The following ADAMTSL3 variants were observed in gnomAD, a reference collection of about 807,000 sequenced individuals.
The protein encoded by ADAMTSL3 is ADAMTS like 3, also known as ADAMTS-like protein 3.
A neutral mutation model predicts 201.7 loss-of-function variants in ADAMTSL3; 128 were observed. The observed-to-expected ratio is 0.63, with a 90% confidence interval of 0.55 to 0.73. The LOEUF (loss-of-function observed/expected upper bound fraction) is 0.73. Among genes scored for constraint, ADAMTSL3 ranks in the 30% least tolerant of loss-of-function variants. The pLI, the probability that ADAMTSL3 is intolerant of heterozygous loss-of-function variation, is 0.00. For missense variants in ADAMTSL3, 1,990 were observed against 2,119.6 expected (o/e 0.94, Z 1.20); for synonymous variants, 738 against 748.4 (o/e 0.99, Z 0.23).
chr15:83,764,579 A>G lies in ADAMTSL3; in HGVS notation c.190-8944A>G, dbSNP rs374635232. On this transcript the variant is annotated intron_variant, in intron 3 of 29. Transcript: ENST00000286744. ...GGGTTGCTGTGGGCTCTGATTCTCA[A>G]CCGAAGGCCTTAGTTCCTCTCAGGC... 4.0e-5 allele frequency among the ~76,000 whole-genome samples: 6 copies of G among 151,088 alleles called. No individual in the cohort carries two copies. The East Asian group carries it at 6.6e-4, about 17-fold the overall frequency.
At chr15:83,892,605 C>A in intron 12 of ADAMTSL3, 79 bp from the exon 13 acceptor site, 1 of 1,389,998 alleles carries the variant, frequency 7.2e-7, no homozygotes, top group African/African-American at 1.4e-5. Context: ...TACCTTAAGG[C>A]CATACTTTTT....
intron 19 of ADAMTSL3, among the ~76,000 whole-genome samples, chr15:83,954,226 T>C (rs529167508): frequency 5.3e-4 from 81 of 152,334 alleles, no homozygotes; most frequent in Non-Finnish European, 2.9e-4. Flanking sequence ...TTTTTTATTC[T>C]TTTTTCTTTT....
chr15:83,795,295 A>G (rs2063408030), intron 4 of ADAMTSL3, among the ~76,000 whole-genome samples: 1 of 152,076 alleles, frequency 6.6e-6, no homozygotes, highest in South Asian at 2.1e-4. Context: ...CAACAGAACT[A>G]AAGTTGAACC....
chr15:83,899,563 A>G, intron 14 of ADAMTSL3, 84 bp from the exon 15 acceptor site: 1 of 1,349,716 alleles, frequency 7.4e-7, no homozygotes. Flanking sequence ...TTATAAATGA[A>G]ATCTTCAGCC....
intron 7 of ADAMTSL3, among the ~76,000 whole-genome samples, chr15:83,846,835 A>G (rs1263661804): frequency 2.0e-5 from 3 of 152,208 alleles, no homozygotes; most frequent in Non-Finnish European, 4.4e-5. Flanking sequence ...AGGCAGTATT[A>G]TAAAGGGCAG....
chr15:83,708,730 C>T (rs2061889433), intron 3 of ADAMTSL3, among the ~76,000 whole-genome samples: 1 of 152,208 alleles, frequency 6.6e-6, no homozygotes, highest in Admixed American at 6.5e-5. Flanking sequence ...TCTGAAACTA[C>T]AAATAGAATA....
Position 83,982,648 on chromosome 15 carries a change from C to T in ADAMTSL3, c.3020C>T (p.Ala1007Val), listed in dbSNP as rs1426855712. The change falls in exon 21 of 30, where the codon GCC becomes GTC. Residue 1007 changes from alanine (A) to valine (V), a missense_variant. Coordinates refer to ENST00000286744, the MANE Select transcript of ADAMTSL3 (RefSeq NM_207517.3). ...GACAACCGGCTCATCGCACGCCCAG[C>T]CCTCAGGGAGCCTATGAGGGAATAT... ...GTDNRLIARP[A>V]LREPMREYPG... 2 of 1,614,162 alleles carry T rather than the reference C, an allele frequency of 1.2e-6. No homozygotes were observed. Among genetic ancestry groups the T allele is most frequent in the Non-Finnish European group, 8.5e-7 (1 of 1,180,020 alleles).
At chr15:83,800,103 G>A (rs551217051) in intron 4 of ADAMTSL3, among the ~76,000 whole-genome samples, 2 of 148,096 alleles carry the variant, frequency 1.4e-5, no homozygotes, top group African/African-American at 2.6e-5. Context: ...AAAAATGGTC[G>A]CCAGGTGGTT....
At chr15:83,755,413 C>G (rs1374628980) in intron 3 of ADAMTSL3, among the ~76,000 whole-genome samples, 1 of 152,018 alleles carries the variant, frequency 6.6e-6, no homozygotes, top group Non-Finnish European at 1.5e-5. Context: ...TAAATAATAA[C>G]CCCCTATTCT....
intron 7 of ADAMTSL3, among the ~76,000 whole-genome samples, chr15:83,858,003 A>G (rs1182219724): frequency 1.3e-5 from 2 of 152,244 alleles, no homozygotes; most frequent in African/African-American, 2.4e-5. Flanking sequence ...GTGAAAAAAC[A>G]TCTCTGAGGA....
Position 83,822,260 on chromosome 15 carries a change from G to A in ADAMTSL3, c.600+2213G>A, listed in dbSNP as rs866437123. Reference sequence around the variant, plus strand: ...AGACGGGGTGGCTGCTGGGCGGAGGGGCTCCTCACTTCTCAGACGGGGCGG... The same window carrying A: ...AGACGGGGTGGCTGCTGGGCGGAGGAGCTCCTCACTTCTCAGACGGGGCGG... On this transcript the variant is annotated intron_variant, in intron 6 of 29. Transcript: ENST00000286744. Among the ~76,000 whole-genome samples, 303 of 137,192 alleles carry A rather than the reference G, an allele frequency of 2.2e-3. 4 individuals carry two copies. The highest frequency in any genetic ancestry group is 8.0e-3 in the African/African-American group (289 of 36,274). 90.0% of individuals were successfully genotyped at this position (137,192 alleles called of 152,430 possible).
intron 3 of ADAMTSL3, among the ~76,000 whole-genome samples, chr15:83,743,991 C>G (rs1490948681): frequency 1.3e-5 from 2 of 152,104 alleles, no homozygotes; most frequent in East Asian, 1.9e-4. Flanking sequence ...GCTGGGACTA[C>G]AGGTGCGTGC....
chr15:83,860,106 G>A (rs1413945200), intron 8 of ADAMTSL3, among the ~76,000 whole-genome samples: 1 of 152,176 alleles, frequency 6.6e-6, no homozygotes, highest in Admixed American at 6.5e-5. Flanking sequence ...CTACAGGCAT[G>A]TAGTCCATGC....
At chr15:84,036,706 C>A in intron 28 of ADAMTSL3, 67 bp from the exon 29 acceptor site, 1 of 1,315,470 alleles carries the variant, frequency 7.6e-7, no homozygotes, top group Non-Finnish European at 1.0e-6. Flanking sequence ...GGCTTGGTCC[C>A]AGCAAAAAGT....
At position 83,898,009 on chromosome 15, in the gene ADAMTSL3, A is replaced by G; in HGVS notation, c.1615+4A>G. The G allele has an allele frequency of 6.2e-7, 1 of 1,611,688 alleles. No individual in the cohort carries two copies. Among genetic ancestry groups the G allele is most frequent in the Non-Finnish European group, 8.5e-7 (1 of 1,178,532 alleles). On this transcript the variant is annotated splice_donor_region_variant and intron_variant, in intron 14 of 29. Coordinates refer to ENST00000286744, the MANE Select transcript of ADAMTSL3 (RefSeq NM_207517.3). Reference sequence around the variant, plus strand: ...ATCCCGTGTTATAAACCAAAAGGTAAGTCTGTGGTGCACTGTAAATTCAAA... The same window carrying G: ...ATCCCGTGTTATAAACCAAAAGGTAGGTCTGTGGTGCACTGTAAATTCAAA...
intron 10 of ADAMTSL3, among the ~76,000 whole-genome samples, chr15:83,885,805 A>G (rs150101043): frequency 0.02 from 3,024 of 151,856 alleles, 100 homozygotes; most frequent in African/African-American, 0.069. Flanking sequence ...GCTCGCTGCA[A>G]CCTCCGCCTC....
rs543035427 is a variant in ADAMTSL3, at chr15:83,921,724, G to A, written c.1988-2180G>A. On this transcript the variant is annotated intron_variant, in intron 16 of 29. Transcript: ENST00000286744. ...ATTTTGAGACAGAGTCTTTCTCTGTGCCCAGGCTGGACTGCACTGGTACAA... is the reference window on the plus strand; with the variant it reads ...ATTTTGAGACAGAGTCTTTCTCTGTACCCAGGCTGGACTGCACTGGTACAA... Among the ~76,000 whole-genome samples, 4 of 152,172 alleles carry A rather than the reference G, an allele frequency of 2.6e-5. No individual in the cohort carries two copies. The East Asian group carries it at 7.7e-4, about 29-fold the overall frequency.
At chr15:83,989,216 C>A (rs1302582740) in intron 22 of ADAMTSL3, among the ~76,000 whole-genome samples, 1 of 152,198 alleles carries the variant, frequency 6.6e-6, no homozygotes, top group Admixed American at 6.5e-5. Flanking sequence ...TCTAGAGCAG[C>A]AGTTCTCATT....
chr15:83,928,118 G>A (rs1300904619), intron 17 of ADAMTSL3, among the ~76,000 whole-genome samples: 2 of 151,932 alleles, frequency 1.3e-5, no homozygotes, highest in African/African-American at 4.8e-5. Flanking sequence ...TGGGATTACA[G>A]GAATGAGCCA....
Sources: gnomAD v4.1 joint callset for allele counts (sites outside exome capture counted in the v4.1 genomes callset) on GRCh38, gnomAD v4.1.1 for gene constraint, MANE v1.5 for transcripts, NCBI Gene and HGNC (gene_info 2026-07-23, HGNC 2026-07-21) for gene names.